The following TBC1D22A variants were observed in gnomAD, a reference collection of about 807,000 sequenced individuals.
TBC1D22A encodes TBC1 domain family member 22A.
In TBC1D22A, 38 loss-of-function variants were observed where a neutral mutation model predicts 60.2. That is an observed-to-expected ratio of 0.63 (90% CI 0.49 to 0.83). The LOEUF (loss-of-function observed/expected upper bound fraction) is 0.83. TBC1D22A is among the 40% of genes least tolerant of loss of function. The probability of loss-of-function intolerance (pLI) is 0.00; values close to 1 mark genes in which losing one functional copy is unlikely to be tolerated. For missense variants in TBC1D22A, 628 were observed against 701.0 expected, an observed-to-expected ratio of 0.90 and a Z score of 1.18; for synonymous variants, 302 against 281.7, an observed-to-expected ratio of 1.07 and a Z score of -0.72.
intron 12 of TBC1D22A, among the ~76,000 whole-genome samples, chr22:47,130,388 A>G (rs942745853): frequency 6.6e-6 from 1 of 152,054 alleles, no homozygotes; most frequent in Non-Finnish European, 1.5e-5. Flanking sequence ...CTTGTCCGGT[A>G]GAGCACACCC....
chr22:46,811,504 C>T (rs1009004539), intron 4 of TBC1D22A, among the ~76,000 whole-genome samples: 2 of 152,114 alleles, frequency 1.3e-5, no homozygotes, highest in Non-Finnish European at 2.9e-5. Flanking sequence ...CTCACTTAAG[C>T]GGAGAGTTGA....
At chr22:46,811,505 G>T (rs1332205665) in intron 4 of TBC1D22A, among the ~76,000 whole-genome samples, 1 of 152,326 alleles carries the variant, frequency 6.6e-6, no homozygotes, top group South Asian at 2.1e-4. Context: ...TCACTTAAGC[G>T]GAGAGTTGAG....
intron 12 of TBC1D22A, among the ~76,000 whole-genome samples, chr22:47,140,430 G>A (rs2067036396): frequency 6.6e-6 from 1 of 151,944 alleles, no homozygotes; most frequent in Non-Finnish European, 1.5e-5. Flanking sequence ...GTGGTGGCGG[G>A]CACCTGTAGT....
chr22:47,081,120 C>CAAAAAAAA (rs34794967), intron 11 of TBC1D22A, among the ~76,000 whole-genome samples: 1 of 83,748 alleles, frequency 1.2e-5, no homozygotes, highest in African/African-American at 4.9e-5. Flanking sequence ...AACTCCGTCT[C>CAAAAAAAA]AAAAAAAAAA....
rs537855490 is a variant in TBC1D22A, at chr22:47,097,099, G to GC, written c.1330-14405dup. Among the ~76,000 whole-genome samples the GC allele has an allele frequency of 6.9e-4, 103 of 149,590 alleles. 1 individual carries two copies. Among genetic ancestry groups the GC allele is most frequent in the African/African-American group, 2.4e-3 (95 of 40,242 alleles). On this transcript the variant is annotated intron_variant, in intron 11 of 12. Coordinates refer to ENST00000337137, the MANE Select transcript of TBC1D22A (RefSeq NM_014346.5). ...TGGCCTCCACATGAGTATGGGCGTG[G>GC]CCCCGTGTCCTCTGTTCCACTGCTC...
intron 8 of TBC1D22A, among the ~76,000 whole-genome samples, chr22:46,962,696 G>T (rs529198070): frequency 6.6e-6 from 1 of 152,210 alleles, no homozygotes; most frequent in Non-Finnish European, 1.5e-5. Flanking sequence ...CAAAGAGCAT[G>T]TTATAAAATG....
chr22:46,994,239 C>A (rs8138968), intron 9 of TBC1D22A, among the ~76,000 whole-genome samples: 58,346 of 152,044 alleles, frequency 0.38, 11,926 homozygotes, highest in African/African-American at 0.53. Flanking sequence ...TTTCTGCTAA[C>A]TGAGAGCCTA....
At chr22:46,950,527 A>T (rs183306048) in intron 8 of TBC1D22A, among the ~76,000 whole-genome samples, 172 of 152,168 alleles carry the variant, frequency 1.1e-3, no homozygotes, top group African/African-American at 4.0e-3. Flanking sequence ...CGATGGCTGG[A>T]TGGAGGCTTT....
chr22:46,949,531 A>G (rs1299145182), intron 8 of TBC1D22A, among the ~76,000 whole-genome samples: 3 of 151,772 alleles, frequency 2.0e-5, no homozygotes, highest in Admixed American at 6.6e-5. Flanking sequence ...GATCTGGGGT[A>G]TGTCTGGCAG....
At chr22:47,093,441 G>A (rs1466211942) in intron 11 of TBC1D22A, among the ~76,000 whole-genome samples, 2 of 152,148 alleles carry the variant, frequency 1.3e-5, no homozygotes, top group African/African-American at 4.8e-5. Context: ...GCCAGCAGCA[G>A]CAAAGGATGA....
intron 10 of TBC1D22A, among the ~76,000 whole-genome samples, chr22:47,013,611 C>T (rs993390299): frequency 6.6e-6 from 1 of 152,176 alleles, no homozygotes. Context: ...TAGGAGGCCG[C>T]ATTGCAGGTG....
chr22:46,957,304 C>T (rs1272732744), intron 8 of TBC1D22A, among the ~76,000 whole-genome samples: 1 of 152,186 alleles, frequency 6.6e-6, no homozygotes, highest in Admixed American at 6.5e-5. Flanking sequence ...GAGACTAGGT[C>T]ATTATAAAGG....
intron 11 of TBC1D22A, among the ~76,000 whole-genome samples, chr22:47,052,147 AG>A (rs1297336800): frequency 6.6e-6 from 1 of 152,252 alleles, no homozygotes. Context: ...AGCAGCAGAC[AG>A]CACAGGGAAG....
At chr22:47,065,646 G>C in intron 11 of TBC1D22A, among the ~76,000 whole-genome samples, 1 of 152,292 alleles carries the variant, frequency 6.6e-6, no homozygotes, top group Admixed American at 6.5e-5. Flanking sequence ...GTTGGGACTG[G>C]GTTGGATTGA....
At chr22:46,830,557 C>T (rs941577648) in intron 4 of TBC1D22A, among the ~76,000 whole-genome samples, 7 of 152,240 alleles carry the variant, frequency 4.6e-5, no homozygotes, top group Admixed American at 4.6e-4. Context: ...GTGGAAGGTC[C>T]CAGTGCCTCT....
chr22:47,067,619 G>A lies in TBC1D22A; in HGVS notation c.1329+30421G>A, dbSNP rs1241243554. Among the ~76,000 whole-genome samples the A allele has an allele frequency of 2.0e-5, 3 of 152,214 alleles. No homozygotes were observed. In the South Asian group the frequency reaches 6.2e-4, roughly 32 times the overall value. On this transcript the variant is annotated intron_variant, in intron 11 of 12. Transcript: ENST00000337137. ...GGGCGTGTCTGCCCCAGGCTGTCCT[G>A]TTGTTTCGGGTTCATCATGGTGGGA...
chr22:46,804,537 G>T (rs2085046705), intron 4 of TBC1D22A, among the ~76,000 whole-genome samples: 1 of 152,206 alleles, frequency 6.6e-6, no homozygotes. Flanking sequence ...GGCAGGGCAT[G>T]CGAGAGCCTC....
chr22:47,037,719 G>A (rs547169176), intron 11 of TBC1D22A, among the ~76,000 whole-genome samples: 8 of 152,304 alleles, frequency 5.3e-5, no homozygotes, highest in South Asian at 2.1e-4. Context: ...ACTTCAGGCC[G>A]TTCTCTTTGT....
chr22:47,014,218 C>A (rs958031271), intron 10 of TBC1D22A, among the ~76,000 whole-genome samples: 2 of 152,180 alleles, frequency 1.3e-5, no homozygotes, highest in Admixed American at 6.5e-5. Flanking sequence ...TTTCTCAGGC[C>A]CCTGTGAGGA....
Sources: allele counts gnomAD v4.1 joint callset (sites outside exome capture counted in the v4.1 genomes callset), GRCh38; gene constraint gnomAD v4.1.1; transcripts MANE v1.5; gene names NCBI Gene and HGNC (gene_info 2026-07-23, HGNC 2026-07-21).